Variants in DCAF8L2 observed in about 807,000 individuals in gnomAD.
DCAF8L2 encodes the protein DDB1- and CUL4-associated factor 8-like protein 2.
For synonymous variants in DCAF8L2, 200 were observed against 190.9 expected, an observed-to-expected ratio of 1.05 and a Z score of -0.39; for missense variants, 430 against 490.7, an observed-to-expected ratio of 0.88 and a Z score of 1.17.
chrX:27,663,205 T>C (rs1279175304), intron 2 of DCAF8L2, among the ~76,000 whole-genome samples: 1 of 111,962 alleles, frequency 8.9e-6, no homozygotes, highest in Non-Finnish European at 1.9e-5. Context: ...TTAAAGAAAA[T>C]ATAACAACAA....
rs1931692790 is a variant in DCAF8L2, at chrX:27,716,103, C to A, written c.-127C>A. 8.9e-6 allele frequency: 1 copy of A among 112,126 alleles called. No homozygotes were observed. Among genetic ancestry groups the A allele is most frequent in the African/African-American group, 3.2e-5 (1 of 30,821 alleles). The allele number at this position is 112,126 out of a possible 1,213,427, so 9.2% of individuals were successfully genotyped here. ...ATCCTGTTAGGAAGCTGCACTGTTG[C>A]AGAGGTCCATTAACTCTTTCAGGAC... On this transcript the variant is annotated 5_prime_UTR_variant, in exon 4 of 5. Coordinates refer to ENST00000451261, the MANE Select transcript of DCAF8L2 (RefSeq NM_001353450.2).
chrX:27,560,758 G>GT, the DCAF8L2 span, among the ~76,000 whole-genome samples: 2 of 112,062 alleles, frequency 1.8e-5, no homozygotes, highest in Non-Finnish European at 3.8e-5. Flanking sequence ...ACTAGAAGTT[G>GT]TTTTTCTAAA....
chrX:27,576,752 G>A, the DCAF8L2 span, among the ~76,000 whole-genome samples: 1 of 111,904 alleles, frequency 8.9e-6, no homozygotes, highest in Admixed American at 9.5e-5. Flanking sequence ...TAGCAATTAG[G>A]TTGGCTTCCT....
At chrX:27,704,289 T>C (rs982096759) in intron 3 of DCAF8L2, among the ~76,000 whole-genome samples, 17 of 106,929 alleles carry the variant, frequency 1.6e-4, no homozygotes, top group Admixed American at 3.0e-4. Flanking sequence ...CATATATATA[T>C]ACATATATAT....
At chrX:27,703,340 A>G (rs916593256) in intron 3 of DCAF8L2, among the ~76,000 whole-genome samples, 2 of 111,227 alleles carry the variant, frequency 1.8e-5, no homozygotes, top group Non-Finnish European at 3.8e-5. Context: ...CTAAATTTAT[A>G]TGGAAATATA....
the DCAF8L2 span, among the ~76,000 whole-genome samples, chrX:27,498,038 G>GTA: frequency 2.7e-5 from 3 of 111,938 alleles, no homozygotes; most frequent in Non-Finnish European, 3.8e-5. Flanking sequence ...TTGTGTGTGT[G>GTA]TATATATATA....
the DCAF8L2 span, among the ~76,000 whole-genome samples, chrX:27,583,695 A>G: frequency 3.6e-5 from 4 of 110,899 alleles, no homozygotes; most frequent in Admixed American, 3.8e-4. Flanking sequence ...TTCTCATTGG[A>G]GCACAAACCC....
intron 4 of DCAF8L2, among the ~76,000 whole-genome samples, chrX:27,737,219 C>T (rs912111916): frequency 4.5e-5 from 5 of 111,748 alleles, no homozygotes; most frequent in African/African-American, 1.6e-4. Flanking sequence ...TGTAAAGGCA[C>T]TCTGAGACCA....
At chrX:27,546,862 T>A in the DCAF8L2 span, among the ~76,000 whole-genome samples, 1 of 112,297 alleles carries the variant, frequency 8.9e-6, no homozygotes, top group Non-Finnish European at 1.9e-5. Context: ...TTACCTGTGA[T>A]GGGAGGGGCT....
Position 27,748,217 on chromosome X carries a change from A to G in DCAF8L2, c.1322A>G (p.Tyr441Cys). 1 of 1,212,201 alleles carries G rather than the reference A, an allele frequency of 8.2e-7. No individual in the cohort carries two copies. Among genetic ancestry groups the G allele is most frequent in the Non-Finnish European group, 1.1e-6 (1 of 895,570 alleles). The change falls in exon 5 of 5, where the codon TAC (tyrosine) becomes TGC (cysteine). Residue 441 changes from tyrosine to cysteine, a missense_variant. Transcript: ENST00000451261. ...GATGGCACAGAGCTGCTAGCCAGCT[A>G]CAATGATGACGATATTTACCTCTTC... ...SHDGTELLAS[Y>C]NDDDIYLFNS...
chrX:27,576,176 G>T, the DCAF8L2 span, among the ~76,000 whole-genome samples: 1 of 112,226 alleles, frequency 8.9e-6, no homozygotes, highest in African/African-American at 3.2e-5. Context: ...CATTTGAATT[G>T]TTCATCTGTG....
chrX:27,704,165 T>TACACAC, intron 3 of DCAF8L2, among the ~76,000 whole-genome samples: 1 of 71,625 alleles, frequency 1.4e-5, no homozygotes, highest in African/African-American at 7.6e-5. Flanking sequence ...TATATATATA[T>TACACAC]ATATATATAC....
chrX:27,488,517 CTGTG>C, the DCAF8L2 span, among the ~76,000 whole-genome samples: 2,942 of 80,439 alleles, frequency 0.037, 64 homozygotes, highest in Middle Eastern at 0.061. Flanking sequence ...AAAATTACCT[CTGTG>C]TGTGTGTGTG....
intron 1 of DCAF8L2, among the ~76,000 whole-genome samples, chrX:27,608,865 A>C (rs936801645): frequency 2.7e-5 from 3 of 110,663 alleles, no homozygotes; most frequent in Non-Finnish European, 5.7e-5. Context: ...CCTGGTGTCC[A>C]ACACTGGTCC....
chrX:27,497,327 T>G, the DCAF8L2 span, among the ~76,000 whole-genome samples: 1 of 111,391 alleles, frequency 9.0e-6, no homozygotes, highest in African/African-American at 3.3e-5. Flanking sequence ...AAATAAACTG[T>G]ACCTTCTTAA....
chrX:27,719,474 G>T, intron 4 of DCAF8L2, among the ~76,000 whole-genome samples: 1 of 90,992 alleles, frequency 1.1e-5, no homozygotes, highest in Non-Finnish European at 2.1e-5. Context: ...TTTTGAGACG[G>T]AGTCTTGCTG....
At chrX:27,486,576 G>A in the DCAF8L2 span, among the ~76,000 whole-genome samples, 1 of 111,435 alleles carries the variant, frequency 9.0e-6, no homozygotes, top group African/African-American at 3.3e-5. Flanking sequence ...AATTAATGAA[G>A]TTTTGAAGTC....
At chrX:27,603,159 G>A (rs1166950807) in intron 1 of DCAF8L2, among the ~76,000 whole-genome samples, 2 of 111,741 alleles carry the variant, frequency 1.8e-5, no homozygotes, top group Non-Finnish European at 3.8e-5. Flanking sequence ...GGGAAATGCA[G>A]TCTTTTTGTT....
the DCAF8L2 span, among the ~76,000 whole-genome samples, chrX:27,549,139 A>T: frequency 7.2e-5 from 8 of 111,592 alleles, no homozygotes; most frequent in African/African-American, 9.8e-5. Flanking sequence ...AGGTAGCATT[A>T]TTTAGTGGCA....
Sources: gnomAD v4.1 joint callset for allele counts (sites outside exome capture counted in the v4.1 genomes callset) on GRCh38, gnomAD v4.1.1 for gene constraint, MANE v1.5 for transcripts, NCBI Gene and HGNC (gene_info 2026-07-23, HGNC 2026-07-21) for gene names.